The following PIEZO1 variants were observed in gnomAD, a reference collection of about 807,000 sequenced individuals.
PIEZO1 encodes the protein piezo type mechanosensitive ion channel component 1 (Er blood group).
A neutral mutation model predicts 297.2 loss-of-function variants in PIEZO1; 296 were observed. That is an observed-to-expected ratio of 1.00 (90% confidence interval 0.91 to 1.10). PIEZO1 has a LOEUF of 1.10. PIEZO1 is among the 50% of genes least tolerant of loss of function. PIEZO1 has a pLI of 0.00. For missense variants in PIEZO1, 5,018 were observed against 3,455.5 expected (o/e 1.45, Z -11.34); for synonymous variants, 2,427 against 1,507.5 (o/e 1.61, Z -14.13).
intron 9 of PIEZO1, 31 bp from the exon 10 acceptor site, chr16:88,737,677 G>A: frequency 2.6e-6 from 4 of 1,533,028 alleles, no homozygotes; most frequent in African/African-American, 1.4e-5. Flanking sequence ...GCCATGCACG[G>A]GCTGGCCGGG....
chr16:88,767,649 G>A (rs886154559), intron 1 of PIEZO1, among the ~76,000 whole-genome samples: 1 of 152,140 alleles, frequency 6.6e-6, no homozygotes, highest in Non-Finnish European at 1.5e-5. Context: ...CAGCCACCTA[G>A]GAAGGCGGAG....
intron 1 of PIEZO1, among the ~76,000 whole-genome samples, chr16:88,771,656 T>A (rs902475118): frequency 6.6e-6 from 1 of 152,188 alleles, no homozygotes; most frequent in Non-Finnish European, 1.5e-5. Flanking sequence ...AGCAGGGCCA[T>A]AGGGAGGTGC....
intron 29 of PIEZO1, 90 bp from the exon 30 acceptor site, chr16:88,725,170 G>A (rs1314710594): frequency 6.5e-6 from 6 of 928,876 alleles, no homozygotes; most frequent in South Asian, 1.6e-5. Flanking sequence ...GACAGGATAG[G>A]TGGAGACAGA....
Position 88,733,401 on chromosome 16 carries a change from G to C in PIEZO1, c.2541C>G (p.Tyr847Ter), listed in dbSNP as rs931672529. 2 of 1,550,050 alleles carry C rather than the reference G, an allele frequency of 1.3e-6. No individual in the cohort carries two copies. Among genetic ancestry groups the C allele is most frequent in the African/African-American group, 2.7e-5 (2 of 73,062 alleles). The change falls in exon 19 of 51, where the codon TAC (tyrosine) becomes TAG (stop). Residue 847 changes from tyrosine (Y) to a stop codon, truncating the protein, a stop_gained. Coordinates refer to ENST00000301015, the MANE Select transcript of PIEZO1 (RefSeq NM_001142864.4). LOFTEE classifies it high-confidence loss of function. ...AGGAGGCCATGGGCCGGAAGCGTGGGTAGGGCAGGGCGAAGGCCCACAGCA... is the reference window on the plus strand; with the variant it reads ...AGGAGGCCATGGGCCGGAAGCGTGGCTAGGGCAGGGCGAAGGCCCACAGCA... ...LVVLWAFALP[Y>*]PRFRPMASCL... is the part of the protein sequence containing the mutation.
rs1445664338 is a variant in PIEZO1 at position 88,726,294 on chromosome 16, G to A, written c.3958C>T (p.Leu1320=). Residue 1320 remains leucine, a synonymous_variant, in exon 27 of 51, where the codon CTA becomes TTA. Transcript: ENST00000301015. ...VRADLQATAL[L]ASRGFALYNA... is the part of the protein sequence containing the mutation. ...TGGGCCCAAGCTTGCCTGGAGGCTA[G>A]CAGGGCGGTGGCCTGGAGGTCGGCC... The A allele has an allele frequency of 6.5e-7, 1 of 1,548,336 alleles. No homozygotes were observed.
chr16:88,731,952 T>TGGGGGAGGGGGGGGG (rs1904860300), intron 21 of PIEZO1, 42 bp from the exon 22 acceptor site: 1 of 307,728 alleles, frequency 3.2e-6, no homozygotes, highest in Admixed American at 4.7e-5. Context: ...GCACTGAGTC[T>TGGGGGAGGGGGGGGG]GGGGGGAGGG....
intron 1 of PIEZO1, among the ~76,000 whole-genome samples, chr16:88,777,244 T>G: frequency 6.6e-6 from 1 of 152,232 alleles, no homozygotes. Context: ...GTGCTGGGAT[T>G]ACCGGCGTGA....
intron 2 of PIEZO1, among the ~76,000 whole-genome samples, chr16:88,746,029 T>A (rs4782401): frequency 0.52 from 79,100 of 151,418 alleles, 21,597 homozygotes; most frequent in Non-Finnish European, 0.62. Context: ...GGAGTTGCCC[T>A]GAGTCTGATC....
In PIEZO1 at chr16:88,734,423, A is replaced by G; in HGVS notation, c.2113T>C (p.Phe705Leu). 5.8e-6 allele frequency: 9 copies of G among 1,549,880 alleles called. No individual in the cohort carries two copies. Among genetic ancestry groups the G allele is most frequent in the Non-Finnish European group, 7.8e-6 (9 of 1,146,662 alleles). Residue 705 changes from phenylalanine to leucine, a missense_variant, in exon 16 of 51, where the codon TTC becomes CTC. By Grantham distance (22) the Phe-to-Leu change is conservative. Transcript: ENST00000301015. Reference protein sequence around the residue: ...ILQLHYFHRPFMQLTDMEHVS... With the variant: ...ILQLHYFHRPLMQLTDMEHVS... ...TGCTCCATGTCGGTGAGCTGCATGA[A>G]GGGCCTGTGGAAGTAGTGCAGCTGC...
chr16:88,770,847 T>G (rs1286754553), intron 1 of PIEZO1, among the ~76,000 whole-genome samples: 1 of 152,188 alleles, frequency 6.6e-6, no homozygotes, highest in East Asian at 1.9e-4. Flanking sequence ...CTGGGCCTCA[T>G]GTCCTCACCT....
chr16:88,716,323 C>T (rs1912027006), intron 48 of PIEZO1, 38 bp downstream of exon 48: 1 of 1,501,218 alleles, frequency 6.7e-7, no homozygotes. Flanking sequence ...GCCAACCTGG[C>T]ACAGCCCTCC....
rs754305193 is a variant in PIEZO1, at chr16:88,716,570, C to G, written c.6915G>C (p.Trp2305Cys). 25 of 1,543,350 alleles carry G rather than the reference C, an allele frequency of 1.6e-5. No individual in the cohort carries two copies. The highest frequency in any genetic ancestry group is 2.2e-5 in the Non-Finnish European group (25 of 1,142,448). The change falls in exon 47 of 51, where the codon TGG becomes TGC. Residue 2305 changes from tryptophan (W) to cysteine (C), a missense_variant. Physicochemically the swap from Trp to Cys is radical, Grantham distance 215 (BLOSUM62 -2). Coordinates refer to ENST00000301015, the MANE Select transcript of PIEZO1 (RefSeq NM_001142864.4). ...AGTCCAGGACGAACCTCTGGAAGTT[C>G]CAGGTGAAGCGCAGGGTGATGTCGG... Reference protein sequence around the residue: ...GTADITLRFTWNFQRDLAKGG... With the variant: ...GTADITLRFTCNFQRDLAKGG...
chr16:88,775,860 G>C (rs968469524), intron 1 of PIEZO1, among the ~76,000 whole-genome samples: 2 of 152,180 alleles, frequency 1.3e-5, no homozygotes, highest in African/African-American at 2.4e-5. Context: ...AGACCCCATT[G>C]TTTAAACAGC....
chr16:88,718,071 A>T (rs1912178007), intron 44 of PIEZO1: 1 of 248,196 alleles, frequency 4.0e-6, no homozygotes, highest in South Asian at 4.1e-5. Context: ...ATCCTATCTC[A>T]AAAGCCCAAC....
rs1370626720 is a variant in PIEZO1 at position 88,727,538 on chromosome 16, G to T, written c.3301+19C>A. ...TCTGAGGGTCCTCTGCAGAGGCGGG[G>T]GTGGTGGGGGGCACTCACTGATGAG... On this transcript the variant is annotated intron_variant, in intron 23 of 50. Coordinates refer to ENST00000301015, the MANE Select transcript of PIEZO1 (RefSeq NM_001142864.4). The T allele has an allele frequency of 1.1e-5, 11 of 1,000,592 alleles. No individual in the cohort carries two copies. The highest frequency in any genetic ancestry group is 2.6e-5 in the East Asian group (1 of 38,130). 62.0% of individuals were successfully genotyped at this position (1,000,592 alleles called of 1,614,324 possible).
rs1050512255 is a variant in PIEZO1, at chr16:88,716,632, G to A, written c.6853C>T (p.Arg2285Cys). 9 of 1,549,880 alleles carry A rather than the reference G, an allele frequency of 5.8e-6. No homozygotes were observed. The highest frequency in any genetic ancestry group is 1.4e-5 in the African/African-American group (1 of 73,192). ...TAGAGCTCCCGCTTCATCTGGGCAC[G>A]GCTGGGGGGACTGATGCGCCACAGC... The part of the protein sequence containing the change: ...GALWRISPPS[R>C]AQMKRELYNG... Residue 2285 changes from arginine (R) to cysteine (C), a missense_variant, in exon 47 of 51, where the codon CGT (arginine) becomes TGT (cysteine). By Grantham distance (180) the Arg-to-Cys change is radical. Transcript: ENST00000301015.
chr16:88,757,119 C>T (rs1021278830), intron 1 of PIEZO1, among the ~76,000 whole-genome samples: 2 of 152,086 alleles, frequency 1.3e-5, no homozygotes, highest in South Asian at 2.1e-4. Flanking sequence ...CACTGGCCCT[C>T]GGTCCCTGGG....
At chr16:88,727,336 G>A (rs1242783487) in intron 23 of PIEZO1, 144 bp from the exon 24 acceptor site, 8 of 966,032 alleles carry the variant, frequency 8.3e-6, no homozygotes, top group Non-Finnish European at 1.2e-5. Context: ...GTGGCCGGGT[G>A]TCCCTGGGGG....
chr16:88,723,544 G>A (rs1904300384), intron 31 of PIEZO1, among the ~76,000 whole-genome samples: 1 of 152,246 alleles, frequency 6.6e-6, no homozygotes, highest in Non-Finnish European at 1.5e-5. Flanking sequence ...CTAACACCAA[G>A]AGCCAGGGGC....
Sources: allele counts gnomAD v4.1 joint callset (sites outside exome capture counted in the v4.1 genomes callset), GRCh38; gene constraint gnomAD v4.1.1; transcripts MANE v1.5; gene names NCBI Gene and HGNC (gene_info 2026-07-23, HGNC 2026-07-21).